GAK: variants seen among roughly 807,000 people sequenced by gnomAD.
GAK encodes cyclin-G-associated kinase.
A neutral mutation model predicts 143.9 loss-of-function variants in GAK; 79 were observed. The observed-to-expected ratio is 0.55, with a 90% CI of 0.46 to 0.66. The LOEUF is 0.66. Ranked by LOEUF, GAK falls within the 30% of genes least tolerant of loss-of-function variation. The pLI, the probability that GAK is intolerant of heterozygous loss-of-function variation, is 0.00. For synonymous variants in GAK, 881 were observed against 765.5 expected (o/e 1.15, Z -2.49); for missense variants, 1,693 against 1,779.7 (o/e 0.95, Z 0.88).
chr4:900,901 C>T (rs148580807), intron 5 of GAK, among the ~76,000 whole-genome samples: 2 of 152,154 alleles, frequency 1.3e-5, no homozygotes, highest in Non-Finnish European at 2.9e-5. Context: ...CAGCGGTGGC[C>T]ATGGGAGCGA....
At chr4:869,884 CAG>C (rs1712139071) in intron 19 of GAK, 1 of 151,600 alleles carries the variant, frequency 6.6e-6, no homozygotes, top group Non-Finnish European at 1.5e-5. Context: ...TGCACGCACA[CAG>C]ATGCACGGTA....
At chr4:892,744 G>A (rs1234691558) in intron 9 of GAK, among the ~76,000 whole-genome samples, 6 of 152,198 alleles carry the variant, frequency 3.9e-5, no homozygotes, top group African/African-American at 1.4e-4. Flanking sequence ...CAGAGCTGAG[G>A]GCTGGCTGAC....
intron 11 of GAK, chr4:888,153 T>C (rs1716902624): frequency 6.6e-6 from 1 of 152,298 alleles, no homozygotes; most frequent in Non-Finnish European, 1.5e-5. Flanking sequence ...CCGCAGTTCC[T>C]GCATCACGGG....
In GAK at chr4:883,807, C is replaced by T. The variant is rs3736085; in HGVS notation, c.1255+230G>A. Among the ~76,000 whole-genome samples, 19 of 152,356 alleles carry T rather than the reference C, an allele frequency of 1.2e-4. No homozygotes were observed. In the East Asian group the frequency reaches 3.7e-3, roughly 29 times the overall value. ...CGGCCTTGTGTTGTTCCTGGCATGA[C>T]CTCAGGGAGCCATGGGAGGCCAGGC... On this transcript the variant is annotated intron_variant, in intron 12 of 27. Transcript: ENST00000314167.
intron 5 of GAK, among the ~76,000 whole-genome samples, chr4:901,190 G>A (rs1415425104): frequency 6.6e-6 from 1 of 152,260 alleles, no homozygotes; most frequent in African/African-American, 2.4e-5. Context: ...GCTGAGGCAG[G>A]CTGAGGCGGA....
intron 24 of GAK, among the ~76,000 whole-genome samples, chr4:857,813 T>C (rs1009546319): frequency 1.3e-5 from 2 of 152,162 alleles, no homozygotes; most frequent in African/African-American, 4.8e-5. Context: ...GCTCCCTTTT[T>C]TTCCCCCCAA....
chr4:882,380 A>G (rs1484578553), intron 14 of GAK, among the ~76,000 whole-genome samples: 2 of 152,226 alleles, frequency 1.3e-5, no homozygotes, highest in African/African-American at 2.4e-5. Context: ...CTAAGCCTCG[A>G]GCTGCAGATC....
In GAK at chr4:883,569, G is replaced by A. The variant is rs866736109; in HGVS notation, c.1256-106C>T. 54 of 1,308,868 alleles carry A rather than the reference G, an allele frequency of 4.1e-5. No individual in the cohort carries two copies. In the Middle Eastern group the frequency reaches 1.7e-3, roughly 41 times the overall value. 81.1% of individuals were successfully genotyped at this position (1,308,868 alleles called of 1,614,324 possible). A position where few individuals can be genotyped will look rare whatever the true frequency, so the allele number is the denominator to read the frequency against. ...ACGCCCCCGGGCAAGCGCAGCCTCC[G>A]GCAGCTCCACCAGCCACTGCCCACA... On this transcript the variant is annotated intron_variant, in intron 12 of 27. Transcript: ENST00000314167.
chr4:905,637 C>G (rs568227653), intron 4 of GAK, among the ~76,000 whole-genome samples: 2 of 151,638 alleles, frequency 1.3e-5, no homozygotes, highest in Non-Finnish European at 2.9e-5. Flanking sequence ...GACTCTGCCA[C>G]GCCCCAGGCC....
chr4:875,347 T>TA (rs962134531), intron 18 of GAK, among the ~76,000 whole-genome samples: 15 of 151,956 alleles, frequency 9.9e-5, no homozygotes, highest in Non-Finnish European at 1.8e-4. Flanking sequence ...ACAAGAGATG[T>TA]AAAAAAAGAA....
intron 10 of GAK, 36 bp downstream of exon 10, chr4:890,496 G>A (rs751909439): frequency 1.0e-4 from 154 of 1,516,554 alleles, no homozygotes; most frequent in Non-Finnish European, 1.3e-4. Flanking sequence ...CAGCAGGAGC[G>A]AGGGACAGGT....
At chr4:896,896 C>G (rs1718911161) in intron 6 of GAK, among the ~76,000 whole-genome samples, 1 of 152,268 alleles carries the variant, frequency 6.6e-6, no homozygotes, top group Non-Finnish European at 1.5e-5. Context: ...GGGCCCCGCT[C>G]CAGAGTGGCC....
intron 1 of GAK, among the ~76,000 whole-genome samples, chr4:915,997 C>T (rs1239586400): frequency 1.3e-5 from 2 of 152,192 alleles, no homozygotes; most frequent in African/African-American, 2.4e-5. Flanking sequence ...CCATAACAAA[C>T]GCATTCAGGA....
At chr4:915,811 G>C (rs1276790331) in intron 1 of GAK, 1 of 152,142 alleles carries the variant, frequency 6.6e-6, no homozygotes, top group Non-Finnish European at 1.5e-5. Context: ...AAGGAGGCGG[G>C]GATCCTTGTT....
At position 870,865 on chromosome 4, in the gene GAK, C is replaced by T. The variant is rs146114266; in HGVS notation, c.2094G>A (p.Pro698=). The T allele has an allele frequency of 1.6e-4, 254 of 1,613,768 alleles. 1 individual carries two copies. The African/African-American group carries it at 2.6e-3, about 17-fold the overall frequency. ...LDACDIQEKY[P]DLFQVNLEVE... is the part of the protein sequence containing the mutation. ...CTTCCAGGTTCACTTGAAATAAATC[C>T]GGGTATTTTTCTTGAATGTCACACG... The change falls in exon 19 of 28, where the codon CCG becomes CCA. Residue 698 remains proline, a synonymous_variant. Coordinates refer to ENST00000314167, the MANE Select transcript of GAK (RefSeq NM_005255.4).
At chr4:903,040 G>C (rs1232311407) in intron 5 of GAK, among the ~76,000 whole-genome samples, 1 of 152,232 alleles carries the variant, frequency 6.6e-6, no homozygotes, top group African/African-American at 2.4e-5. Context: ...CCACGGGGCA[G>C]GAGTGTCCTC....
intron 12 of GAK, 96 bp downstream of exon 12, chr4:883,941 G>C (rs1715699337): frequency 1.6e-6 from 2 of 1,221,652 alleles, no homozygotes; most frequent in Non-Finnish European, 2.3e-6. Context: ...GAGAAGGCTG[G>C]AGCAGAGGCA....
intron 5 of GAK, among the ~76,000 whole-genome samples, chr4:902,586 G>A (rs967348319): frequency 1.9e-4 from 2 of 10,536 alleles, no homozygotes; most frequent in Admixed American, 9.8e-4. Context: ...GGGCTGTAGA[G>A]TGACTGACTC....
intron 22 of GAK, among the ~76,000 whole-genome samples, chr4:866,035 G>C (rs1223347640): frequency 2.0e-5 from 3 of 152,272 alleles, no homozygotes; most frequent in Admixed American, 1.3e-4. Flanking sequence ...CAAGCTCTGG[G>C]TGCAGGTGGC....
Sources: allele counts gnomAD v4.1 joint callset (sites outside exome capture counted in the v4.1 genomes callset), GRCh38; gene constraint gnomAD v4.1.1; transcripts MANE v1.5; gene names NCBI Gene and HGNC (gene_info 2026-07-23, HGNC 2026-07-21).